The following ZC3H8 variants were observed in gnomAD, a reference collection of about 807,000 sequenced individuals.
The protein encoded by ZC3H8 is zinc finger CCCH-type containing 8.
ZC3H8 carries 27 observed loss-of-function variants against 42.5 expected under a neutral mutation model. The ratio of observed to expected loss-of-function variants is 0.64; its 90% CI spans 0.47 to 0.88. ZC3H8 has a LOEUF of 0.88. ZC3H8 is among the 40% of genes least tolerant of loss of function. ZC3H8 has a pLI of 0.00. For missense variants in ZC3H8, 277 were observed against 336.1 expected (o/e 0.82, Z 1.37); for synonymous variants, 101 against 110.1 (o/e 0.92, Z 0.52).
At chr2:112,247,120 T>C (rs1357647495) in intron 2 of ZC3H8, among the ~76,000 whole-genome samples, 1 of 152,258 alleles carries the variant, frequency 6.6e-6, no homozygotes, top group African/African-American at 2.4e-5. Context: ...GAGTACTGTA[T>C]AGTATAAATG....
intron 2 of ZC3H8, among the ~76,000 whole-genome samples, chr2:112,241,415 G>C (rs1196356791): frequency 2.0e-5 from 3 of 152,020 alleles, no homozygotes. Flanking sequence ...CATAAAGCAG[G>C]GGTTCTCACC....
chr2:112,245,596 G>T (rs1468973281), intron 2 of ZC3H8, among the ~76,000 whole-genome samples: 1 of 152,212 alleles, frequency 6.6e-6, no homozygotes, highest in African/African-American at 2.4e-5. Flanking sequence ...AGACGATGCA[G>T]TGAGCCAAGG....
At chr2:112,223,075 CAG>C (rs1401998970) in intron 8 of ZC3H8, among the ~76,000 whole-genome samples, 1 of 151,508 alleles carries the variant, frequency 6.6e-6, no homozygotes, top group Non-Finnish European at 1.5e-5. Flanking sequence ...CATTTGGACA[CAG>C]GGTGGGGAAC....
intron 2 of ZC3H8, among the ~76,000 whole-genome samples, chr2:112,238,832 C>A (rs1414805961): frequency 6.6e-6 from 1 of 152,188 alleles, no homozygotes; most frequent in Non-Finnish European, 1.5e-5. Context: ...AAAGTCTAAA[C>A]CCCTAAATCT....
chr2:112,236,642 T>C lies in ZC3H8; in HGVS notation c.424A>G (p.Lys142Glu). ...LKAGHKNGKQ[K>E]KMKRKWPGPG... ...CCAGGCCATTTTCGCTTCATTTTCT[T>C]CTGTTTGCCATTCTTGTGACCAGCT... Residue 142 changes from lysine (K) to glutamate (E), a missense_variant, in exon 4 of 9, where the codon AAG becomes GAG. Coordinates refer to ENST00000409573, the MANE Select transcript of ZC3H8 (RefSeq NM_032494.3). 6.2e-7 allele frequency: 1 copy of C among 1,614,032 alleles called. No individual in the cohort carries two copies. Among genetic ancestry groups the C allele is most frequent in the Non-Finnish European group, 8.5e-7 (1 of 1,179,888 alleles).
intron 1 of ZC3H8, chr2:112,254,238 G>A: frequency 1.2e-6 from 1 of 827,998 alleles, no homozygotes; most frequent in Non-Finnish European, 1.5e-6. Context: ...GAACAAAGAT[G>A]GTGGTTTTTA....
intron 2 of ZC3H8, among the ~76,000 whole-genome samples, chr2:112,248,249 C>G (rs966551616): frequency 1.3e-5 from 2 of 151,498 alleles, no homozygotes; most frequent in African/African-American, 4.9e-5. Flanking sequence ...CTGCTCGAAC[C>G]CAGGAGAAGG....
chr2:112,232,433 T>C (rs1248852620), intron 6 of ZC3H8, among the ~76,000 whole-genome samples: 1 of 151,826 alleles, frequency 6.6e-6, no homozygotes, highest in Non-Finnish European at 1.5e-5. Context: ...AAGGACTACA[T>C]ACGTAAATCA....
intron 2 of ZC3H8, among the ~76,000 whole-genome samples, chr2:112,246,783 G>A (rs1013939596): frequency 1.3e-5 from 2 of 152,242 alleles, no homozygotes; most frequent in Non-Finnish European, 2.9e-5. Flanking sequence ...TGATAAAGCA[G>A]TGGCAGGGGT....
At chr2:112,244,128 G>A (rs1685679806) in intron 2 of ZC3H8, among the ~76,000 whole-genome samples, 1 of 151,182 alleles carries the variant, frequency 6.6e-6, no homozygotes, top group Non-Finnish European at 1.5e-5. Flanking sequence ...CAATCGCATA[G>A]AATTAAGAAT....
Position 112,211,918 on chromosome 2 carries a change from C to A in ZC3H8, c.*4566G>T, listed in dbSNP as rs993416928. 2.0e-5 allele frequency: 3 copies of A among 152,158 alleles called. No homozygotes were observed. Among genetic ancestry groups the A allele is most frequent in the African/African-American group, 7.2e-5 (3 of 41,418 alleles). 9.4% of individuals were successfully genotyped at this position (152,158 alleles called of 1,614,324 possible). A position where few individuals can be genotyped will look rare whatever the true frequency, so the allele number is the denominator to read the frequency against. On this transcript the variant is annotated 3_prime_UTR_variant, in exon 9 of 9. Coordinates refer to ENST00000409573, the MANE Select transcript of ZC3H8 (RefSeq NM_032494.3). Reference sequence around the variant, plus strand: ...ATACATTCTCCCCTCTCCTCTTAACCCTTCTAAATATATCTACTCTTCCTA... The same window carrying A: ...ATACATTCTCCCCTCTCCTCTTAACACTTCTAAATATATCTACTCTTCCTA...
intron 3 of ZC3H8, among the ~76,000 whole-genome samples, chr2:112,237,935 G>T (rs866423826): frequency 3.3e-5 from 5 of 152,130 alleles, no homozygotes; most frequent in African/African-American, 9.7e-5. Flanking sequence ...TAATCTAGAA[G>T]AATATATTTC....
chr2:112,225,178 T>C (rs1368905083), intron 8 of ZC3H8, among the ~76,000 whole-genome samples: 1 of 152,206 alleles, frequency 6.6e-6, no homozygotes, highest in Non-Finnish European at 1.5e-5. Context: ...TTATTTTGTA[T>C]GTGTGCATTA....
In ZC3H8 at chr2:112,249,292, C is replaced by G. The variant is rs367564409; in HGVS notation, c.156+899G>C. Among the ~76,000 whole-genome samples the G allele has an allele frequency of 1.6e-4, 25 of 152,272 alleles. No individual in the cohort carries two copies. In the East Asian group the frequency reaches 4.6e-3, roughly 28 times the overall value. ...TCAGGATGATACTTTTGCAAGCCAT[C>G]ACCAAAGATTGCCAGCATTCCATCA... On this transcript the variant is annotated intron_variant, in intron 2 of 8. Coordinates refer to ENST00000409573, the MANE Select transcript of ZC3H8 (RefSeq NM_032494.3).
At position 112,238,663 on chromosome 2, in the gene ZC3H8, A is replaced by G. The variant is rs1379399960; in HGVS notation, c.157-135T>C. On this transcript the variant is annotated intron_variant, in intron 2 of 8. Coordinates refer to ENST00000409573, the MANE Select transcript of ZC3H8 (RefSeq NM_032494.3). ...AATAGGTACATGGGATTCATATACT[A>G]TTCTCTCCACTCATATATTTGAAAA... 1.5e-5 allele frequency: 9 copies of G among 587,062 alleles called. No individual in the cohort carries two copies. The Admixed American group carries it at 2.5e-4, about 17-fold the overall frequency. The allele number at this position is 587,062 out of a possible 1,614,324, so 36.4% of individuals were successfully genotyped here.
intron 2 of ZC3H8, among the ~76,000 whole-genome samples, chr2:112,243,975 AAAT>A (rs373941506): frequency 5.3e-4 from 81 of 151,456 alleles, no homozygotes; most frequent in African/African-American, 1.7e-3. Context: ...GTAATTTATG[AAAT>A]AATGATAAAT....
At chr2:112,237,579 ATTT>A (rs34626507) in intron 3 of ZC3H8, among the ~76,000 whole-genome samples, 1 of 145,614 alleles carries the variant, frequency 6.9e-6, no homozygotes. Flanking sequence ...TAAAATTTTA[ATTT>A]TTTTTTTTTT....
In ZC3H8 at chr2:112,247,832, C is replaced by T. The variant is rs151245993; in HGVS notation, c.156+2359G>A. ...AGGAGCTAAAAGTGGGCATAAAAGA[C>T]TGAGGCCTATGTGACTCAAGCAGTA... On this transcript the variant is annotated intron_variant, in intron 2 of 8. Transcript: ENST00000409573. 3.9e-3 allele frequency among the ~76,000 whole-genome samples: 592 copies of T among 152,284 alleles called. 4 individuals are homozygous for T. Among genetic ancestry groups the T allele is most frequent in the African/African-American group, 0.014 (569 of 41,560 alleles).
intron 2 of ZC3H8, among the ~76,000 whole-genome samples, chr2:112,243,072 C>T (rs1182059660): frequency 6.6e-6 from 1 of 152,180 alleles, no homozygotes; most frequent in African/African-American, 2.4e-5. Flanking sequence ...TAAATACTTT[C>T]CAGTGGTTTT....
Sources: allele counts gnomAD v4.1 joint callset (sites outside exome capture counted in the v4.1 genomes callset), GRCh38; gene constraint gnomAD v4.1.1; transcripts MANE v1.5; gene names NCBI Gene and HGNC (gene_info 2026-07-23, HGNC 2026-07-21).